KIT: variants seen among roughly 807,000 people sequenced by gnomAD.
The protein encoded by KIT is mast/stem cell growth factor receptor Kit.
Under a neutral mutation model 105.7 loss-of-function variants are expected in KIT, and 16 were observed. The ratio of observed to expected loss-of-function variants is 0.15; its 90% CI spans 0.10 to 0.23. The LOEUF is 0.23. KIT is among the 10% of genes least tolerant of loss of function. KIT has a pLI of 1.00. For missense variants in KIT, 858 were observed against 1,213.8 expected, an observed-to-expected ratio of 0.71 and a Z score of 4.36; for synonymous variants, 438 against 441.1, an observed-to-expected ratio of 0.99 and a Z score of 0.09.
At chr4:54,671,477 C>A (rs1160510234) in intron 1 of KIT, among the ~76,000 whole-genome samples, 2 of 152,166 alleles carry the variant, frequency 1.3e-5, no homozygotes, top group Non-Finnish European at 2.9e-5. Flanking sequence ...ATGAAATTAG[C>A]AGCATTAGGT....
intron 6 of KIT, 81 bp downstream of exon 6, chr4:54,707,368 G>A (rs1256148047): frequency 1.2e-5 from 12 of 994,668 alleles, no homozygotes; most frequent in East Asian, 2.5e-5. Context: ...TCTGTAACCC[G>A]TAAATCCACG....
chr4:54,699,100 CAG>C (rs1720281354), intron 3 of KIT, among the ~76,000 whole-genome samples: 1 of 152,158 alleles, frequency 6.6e-6, no homozygotes, highest in Admixed American at 6.5e-5. Context: ...TTTTAAATCT[CAG>C]AGATCATCTA....
At chr4:54,721,196 G>C (rs1560412554) in intron 7 of KIT, among the ~76,000 whole-genome samples, 1 of 152,168 alleles carries the variant, frequency 6.6e-6, no homozygotes, top group Admixed American at 6.5e-5. Flanking sequence ...TTGCATACCA[G>C]CGTCAGGTGT....
intron 7 of KIT, among the ~76,000 whole-genome samples, chr4:54,715,167 C>T (rs184976933): frequency 3.9e-4 from 60 of 152,264 alleles, no homozygotes; most frequent in Middle Eastern, 3.4e-3. Flanking sequence ...TAAGGCTTCT[C>T]GATGAGAAAG....
intron 1 of KIT, among the ~76,000 whole-genome samples, chr4:54,659,881 T>TG (rs35018548): frequency 8.5e-5 from 13 of 152,114 alleles, no homozygotes; most frequent in East Asian, 3.9e-4. Flanking sequence ...GTCTGTCTCC[T>TG]GGGGGGGCAG....
At chr4:54,695,866 C>A in intron 2 of KIT, 85 bp downstream of exon 2, 1 of 1,508,256 alleles carries the variant, frequency 6.6e-7, no homozygotes, top group East Asian at 2.3e-5. Context: ...GATGACTGAG[C>A]CATAGATAAA....
intron 7 of KIT, among the ~76,000 whole-genome samples, chr4:54,712,702 G>A (rs550695617): frequency 8.5e-5 from 13 of 152,268 alleles, no homozygotes; most frequent in Admixed American, 2.6e-4. Flanking sequence ...AGGATATGTT[G>A]TTAGCCTTCC....
intron 7 of KIT, among the ~76,000 whole-genome samples, chr4:54,714,851 G>A (rs1374706384): frequency 6.6e-6 from 1 of 152,170 alleles, no homozygotes; most frequent in Non-Finnish European, 1.5e-5. Context: ...TGGTGACGGG[G>A]AGGCAGACAT....
chr4:54,721,550 C>T (rs1343854180), intron 7 of KIT, among the ~76,000 whole-genome samples: 1 of 152,168 alleles, frequency 6.6e-6, no homozygotes, highest in African/African-American at 2.4e-5. Flanking sequence ...GAGAGTTTCT[C>T]TTTTGTGTAT....
chr4:54,686,065 G>C (rs1230570091), intron 1 of KIT, among the ~76,000 whole-genome samples: 1 of 152,156 alleles, frequency 6.6e-6, no homozygotes, highest in South Asian at 2.1e-4. Flanking sequence ...ATAAGGACAC[G>C]TTACACAAGT....
intron 1 of KIT, among the ~76,000 whole-genome samples, chr4:54,691,441 G>A (rs1459610352): frequency 6.6e-6 from 1 of 152,090 alleles, no homozygotes; most frequent in Admixed American, 6.6e-5. Context: ...TGAAGAGGCT[G>A]TCTTCAGCGG....
intron 9 of KIT, 34 bp from the exon 10 acceptor site, chr4:54,727,184 A>C: frequency 6.3e-7 from 1 of 1,591,900 alleles, no homozygotes; most frequent in Non-Finnish European, 8.6e-7. Flanking sequence ...CATCCTGCCA[A>C]AGTTTGTGAT....
intron 7 of KIT, among the ~76,000 whole-genome samples, chr4:54,722,560 A>C (rs3134890): frequency 1 from 151,784 of 152,076 alleles, 75,746 homozygotes; most frequent in Non-Finnish European, 1. Context: ...GCTATTCTTC[A>C]GAGTACAGGG....
chr4:54,697,875 A>G (rs1289040575), intron 2 of KIT, among the ~76,000 whole-genome samples: 1 of 152,158 alleles, frequency 6.6e-6, no homozygotes, highest in Admixed American at 6.5e-5. Flanking sequence ...GAGTTGTAAT[A>G]AAGTTTTCCC....
chr4:54,692,031 A>G (rs934580912), intron 1 of KIT, among the ~76,000 whole-genome samples: 10 of 152,212 alleles, frequency 6.6e-5, no homozygotes, highest in African/African-American at 2.4e-4. Context: ...CCTAACATTT[A>G]TTATGTGTTT....
At chr4:54,705,995 ATG>A (rs1217180301) in intron 5 of KIT, among the ~76,000 whole-genome samples, 2 of 152,220 alleles carry the variant, frequency 1.3e-5, no homozygotes, top group African/African-American at 4.8e-5. Flanking sequence ...CATAAAAATA[ATG>A]TTAGCAATTA....
chr4:54,683,886 G>A (rs1000578751), intron 1 of KIT, among the ~76,000 whole-genome samples: 4 of 152,178 alleles, frequency 2.6e-5, no homozygotes, highest in Non-Finnish European at 4.4e-5. Flanking sequence ...CTCCCAGCTG[G>A]GCAATGTTGA....
At position 54,739,549 on chromosome 4, in the gene KIT, A is replaced by G; in HGVS notation, c.*992A>G. 1 of 233,556 alleles carries G rather than the reference A, an allele frequency of 4.3e-6. No individual in the cohort carries two copies. Among genetic ancestry groups the G allele is most frequent in the Non-Finnish European group, 8.5e-6 (1 of 117,928 alleles). 14.5% of individuals were successfully genotyped at this position (233,556 alleles called of 1,614,324 possible). A position where few individuals can be genotyped will look rare whatever the true frequency, so the allele number is the denominator to read the frequency against. ...TACTGATTCACTGCATGGCTCCCAC[A>G]GGAGTGGGAAAACACTGCCATCTTA... On this transcript the variant is annotated 3_prime_UTR_variant, in exon 21 of 21. Coordinates refer to ENST00000288135, the MANE Select transcript of KIT (RefSeq NM_000222.3).
chr4:54,697,272 C>A (rs1156889777), intron 2 of KIT, among the ~76,000 whole-genome samples: 2 of 152,004 alleles, frequency 1.3e-5, no homozygotes, highest in East Asian at 3.9e-4. Context: ...TCTTGGAAAA[C>A]TTTTTTTTCA....
Sources: allele counts gnomAD v4.1 joint callset (sites outside exome capture counted in the v4.1 genomes callset), GRCh38; gene constraint gnomAD v4.1.1; transcripts MANE v1.5; gene names NCBI Gene and HGNC (gene_info 2026-07-23, HGNC 2026-07-21).